Variants in ZNF366 observed in about 807,000 individuals in gnomAD.
The protein encoded by ZNF366 is dendritic cell-specific transcript protein.
Under a neutral mutation model 47.2 loss-of-function variants are expected in ZNF366, and 20 were observed. That is an observed-to-expected ratio of 0.42 (90% CI 0.30 to 0.62). The LOEUF is 0.62. Ranked by LOEUF, ZNF366 falls within the 20% of genes least tolerant of loss-of-function variation. ZNF366 has a pLI of 0.16. For synonymous variants in ZNF366, 421 were observed against 395.1 expected, an observed-to-expected ratio of 1.07 and a Z score of -0.78; for missense variants, 987 against 976.3, an observed-to-expected ratio of 1.01 and a Z score of -0.15.
rs550142493 is a variant in ZNF366, at chr5:72,478,355, A to G, written c.-14-16845T>C. On this transcript the variant is annotated intron_variant, in intron 1 of 4. Transcript: ENST00000318442. ...ATAATGGAAGGAAATGGAGCATTGTATCATTTAATCCCTGCATCAATCCTG... is the reference window on the plus strand; with the variant it reads ...ATAATGGAAGGAAATGGAGCATTGTGTCATTTAATCCCTGCATCAATCCTG... Among the ~76,000 whole-genome samples, 6 of 148,980 alleles carry G rather than the reference A, an allele frequency of 4.0e-5. No individual in the cohort carries two copies. In the East Asian group the frequency reaches 1.2e-3, roughly 31 times the overall value.
At position 72,440,887 on chromosome 5, in the gene ZNF366, C is replaced by T. The variant is rs943579122; in HGVS notation, c.*2869G>A. The T allele has an allele frequency of 9.2e-5, 14 of 152,116 alleles. No homozygotes were observed. The highest frequency in any genetic ancestry group is 3.1e-4 in the African/African-American group (13 of 41,404). The allele number at this position is 152,116 out of a possible 1,614,324, so 9.4% of individuals were successfully genotyped here. On this transcript the variant is annotated 3_prime_UTR_variant, in exon 5 of 5. Transcript: ENST00000318442. ...AGTGTCTTATGCCCAGAGTCAACAA[C>T]TAAAAACAGGCCCTGGAATACACTC... is the stretch of plus-strand genomic sequence containing the variant.
Position 72,460,237 on chromosome 5 carries a change from G to C in ZNF366, c.1260C>G (p.Pro420=). 6.2e-7 allele frequency: 1 copy of C among 1,614,262 alleles called. No individual in the cohort carries two copies. Among genetic ancestry groups the C allele is most frequent in the Non-Finnish European group, 8.5e-7 (1 of 1,180,042 alleles). ...NHMMKHKDIR[P]YICSECGMEF... ...CCATGCCACACTCTGAGCAGATGTAGGGCCGGATGTCCTTGTGCTTCATCA... is the reference window on the plus strand; with the variant it reads ...CCATGCCACACTCTGAGCAGATGTACGGCCGGATGTCCTTGTGCTTCATCA... Residue 420 remains proline (P), a synonymous_variant, in exon 2 of 5, where the codon CCC becomes CCG. Transcript: ENST00000318442.
intron 1 of ZNF366, among the ~76,000 whole-genome samples, chr5:72,462,455 G>A (rs1204573428): frequency 6.6e-6 from 1 of 152,012 alleles, no homozygotes; most frequent in African/African-American, 2.4e-5. Flanking sequence ...AAGAGCTGGT[G>A]GTGGGACTAG....
At chr5:72,501,255 G>C (rs1385741887) in intron 1 of ZNF366, among the ~76,000 whole-genome samples, 4 of 152,202 alleles carry the variant, frequency 2.6e-5, no homozygotes, top group Non-Finnish European at 5.9e-5. Context: ...AATGAGGTCA[G>C]AGTGGGGCCA....
chr5:72,469,478 A>G (rs1201498124), intron 1 of ZNF366, among the ~76,000 whole-genome samples: 1 of 152,222 alleles, frequency 6.6e-6, no homozygotes, highest in Non-Finnish European at 1.5e-5. Context: ...CCAATAATCA[A>G]TTCATATTTG....
chr5:72,503,718 C>A (rs1744261873), intron 1 of ZNF366, among the ~76,000 whole-genome samples: 1 of 152,226 alleles, frequency 6.6e-6, no homozygotes, highest in Non-Finnish European at 1.5e-5. Context: ...TTTTTCTACT[C>A]CACCAAGCCA....
At chr5:72,492,576 A>G (rs1025749488) in intron 1 of ZNF366, among the ~76,000 whole-genome samples, 5 of 152,230 alleles carry the variant, frequency 3.3e-5, no homozygotes, top group African/African-American at 7.2e-5. Context: ...CTTTTCTCCT[A>G]TCTTCAAAAC....
In ZNF366 at chr5:72,460,902, T is replaced by C. The variant is rs1171838170; in HGVS notation, c.595A>G (p.Ser199Gly). 1.2e-6 allele frequency: 2 copies of C among 1,612,914 alleles called. No individual in the cohort carries two copies. Among genetic ancestry groups the C allele is most frequent in the South Asian group, 2.2e-5 (2 of 91,016 alleles). ...FVPSSSPFPF[S>G]RHTFLPKQPP... ...TGCTTGGGCAGGAAGGTGTGCCGGC[T>C]GAAGGGGAAGGGCGAGGACGAGGGC... Residue 199 changes from serine (S) to glycine (G), a missense_variant, in exon 2 of 5, where the codon AGC (serine) becomes GGC (glycine). Physicochemically the swap from Ser to Gly is moderately conservative, Grantham distance 56. Coordinates refer to ENST00000318442, the MANE Select transcript of ZNF366 (RefSeq NM_152625.3).
At chr5:72,449,890 G>A (rs1278458231) in intron 3 of ZNF366, among the ~76,000 whole-genome samples, 7 of 152,154 alleles carry the variant, frequency 4.6e-5, no homozygotes, top group African/African-American at 1.7e-4. Context: ...GGCATGTAGC[G>A]GGAGAGAAGC....
At position 72,460,568 on chromosome 5, in the gene ZNF366, T is replaced by A; in HGVS notation, c.929A>T (p.Lys310Met). Residue 310 changes from lysine to methionine, a missense_variant, in exon 2 of 5, where the codon AAG becomes ATG. This residue lies in a region of ZNF366 where 591 missense variants were observed against 560.9 expected (regional missense o/e 1.05). Coordinates refer to ENST00000318442, the MANE Select transcript of ZNF366 (RefSeq NM_152625.3). Reference protein sequence around the residue: ...MLTHQGTRPHKCQVCHKAFTQ... With the variant: ...MLTHQGTRPHMCQVCHKAFTQ... ...GAAGGCCTTGTGGCACACCTGGCAC[T>A]TGTGGGGCCGCGTGCCCTGGTGGGT... The A allele has an allele frequency of 6.2e-7, 1 of 1,614,112 alleles. No individual in the cohort carries two copies.
intron 1 of ZNF366, among the ~76,000 whole-genome samples, chr5:72,480,612 A>T (rs975614681): frequency 2.0e-5 from 3 of 152,194 alleles, no homozygotes; most frequent in African/African-American, 7.2e-5. Context: ...TCAAGTTTTC[A>T]TCTTCATTTA....
At chr5:72,489,868 A>G (rs953323670) in intron 1 of ZNF366, among the ~76,000 whole-genome samples, 12 of 152,222 alleles carry the variant, frequency 7.9e-5, no homozygotes, top group South Asian at 2.1e-4. Context: ...AAAATTTCCA[A>G]CCACAGATAA....
chr5:72,472,865 A>G (rs1743598865), intron 1 of ZNF366, among the ~76,000 whole-genome samples: 2 of 152,078 alleles, frequency 1.3e-5, no homozygotes, highest in South Asian at 4.1e-4. Context: ...TATTTGTACC[A>G]CTGTAGAACC....
chr5:72,470,031 C>T (rs1743528138), intron 1 of ZNF366, among the ~76,000 whole-genome samples: 1 of 152,116 alleles, frequency 6.6e-6, no homozygotes, highest in Non-Finnish European at 1.5e-5. Flanking sequence ...GGCAACACAG[C>T]AAGACCCCGA....
At chr5:72,505,555 T>C (rs569121263) in intron 1 of ZNF366, among the ~76,000 whole-genome samples, 68 of 152,358 alleles carry the variant, frequency 4.5e-4, no homozygotes, top group Middle Eastern at 6.8e-3. Flanking sequence ...AACAAATGAC[T>C]CTGCTGTCAT....
In ZNF366 at chr5:72,443,706, T is replaced by C. The variant is rs757290919; in HGVS notation, c.*50A>G. 12 of 1,553,522 alleles carry C rather than the reference T, an allele frequency of 7.7e-6. No individual in the cohort carries two copies. In the South Asian group the frequency reaches 1.5e-4, roughly 19 times the overall value. On this transcript the variant is annotated 3_prime_UTR_variant, in exon 5 of 5. Coordinates refer to ENST00000318442, the MANE Select transcript of ZNF366 (RefSeq NM_152625.3). The stretch of plus-strand genomic sequence containing the variant: ...ATGACAGTTCATGCAGAAAGCTATA[T>C]TTGAACTGCCTCCTTCTCATTTTCC...
At chr5:72,507,119 TG>T in intron 1 of ZNF366, 131 bp downstream of exon 1, 2 of 599,808 alleles carry the variant, frequency 3.3e-6, no homozygotes, top group Non-Finnish European at 4.2e-6. Context: ...GCTGAAATTC[TG>T]GGCCATCTAT....
intron 1 of ZNF366, among the ~76,000 whole-genome samples, chr5:72,494,747 G>A (rs568220849): frequency 7.9e-5 from 12 of 152,090 alleles, no homozygotes; most frequent in Middle Eastern, 3.4e-3. Context: ...AAACAGGGGC[G>A]TGCACATATC....
intron 1 of ZNF366, among the ~76,000 whole-genome samples, chr5:72,491,510 A>G (rs564005122): frequency 1.6e-4 from 24 of 152,316 alleles, no homozygotes; most frequent in African/African-American, 5.5e-4. Context: ...CCGGGTTTGA[A>G]TTCTAGAACT....
Sources: gnomAD v4.1 joint callset for allele counts (sites outside exome capture counted in the v4.1 genomes callset) on GRCh38, gnomAD v4.1.1 for gene constraint, gnomAD v4.1.1 regional missense constraint, MANE v1.5 for transcripts, NCBI Gene and HGNC (gene_info 2026-07-23, HGNC 2026-07-21) for gene names.